Variants in PLA2G12A observed in about 807,000 individuals in gnomAD.
The protein encoded by PLA2G12A is group XIIA secretory phospholipase A2.
PLA2G12A carries 11 observed loss-of-function variants against 16.0 expected under a neutral mutation model. The observed-to-expected ratio is 0.69, with a 90% confidence interval of 0.43 to 1.13. The LOEUF is 1.13. Ranked by LOEUF, PLA2G12A falls within the 50% of genes most tolerant of loss-of-function variation. The probability of loss-of-function intolerance (pLI) is 0.00; values close to 1 mark genes in which losing one functional copy is unlikely to be tolerated. For missense variants in PLA2G12A, 214 were observed against 237.3 expected, an observed-to-expected ratio of 0.90 and a Z score of 0.65; for synonymous variants, 77 against 93.8, an observed-to-expected ratio of 0.82 and a Z score of 1.03.
intron 2 of PLA2G12A, among the ~76,000 whole-genome samples, chr4:109,718,410 T>C (rs1291793470): frequency 6.6e-6 from 1 of 152,220 alleles, no homozygotes; most frequent in Non-Finnish European, 1.5e-5. Context: ...TCCCTCTAAG[T>C]AGTAGCACTT....
At position 109,714,316 on chromosome 4, in the gene PLA2G12A, T is replaced by C. The variant is rs1307796844; in HGVS notation, c.*61A>G. The C allele has an allele frequency of 1.0e-6, 1 of 981,844 alleles. No individual in the cohort carries two copies. Among genetic ancestry groups the C allele is most frequent in the East Asian group, 2.4e-5 (1 of 40,828 alleles). 60.8% of individuals were successfully genotyped at this position (981,844 alleles called of 1,614,324 possible). ...AGACAGTTTTATGTTGTAAAAACAT[T>C]AGTTATTTGTCAAAGGTATGTTCTT... is the stretch of plus-strand genomic sequence containing the variant. On this transcript the variant is annotated 3_prime_UTR_variant, in exon 4 of 4. Transcript: ENST00000243501.
chr4:109,716,818 G>A (rs1403784491), intron 3 of PLA2G12A, among the ~76,000 whole-genome samples: 3 of 152,178 alleles, frequency 2.0e-5, no homozygotes, highest in African/African-American at 7.2e-5. Flanking sequence ...CATAAGACAA[G>A]TCTTCTAGAA....
At chr4:109,727,668 G>A (rs551990705) in intron 1 of PLA2G12A, among the ~76,000 whole-genome samples, 1 of 152,102 alleles carries the variant, frequency 6.6e-6, no homozygotes, top group South Asian at 2.1e-4. Flanking sequence ...GTGTAGTGGG[G>A]GCATGGCCTA....
chr4:109,714,711 G>T (rs1730795556), intron 3 of PLA2G12A, among the ~76,000 whole-genome samples: 1 of 149,388 alleles, frequency 6.7e-6, no homozygotes, highest in South Asian at 2.1e-4. Flanking sequence ...TTTTTTGTTT[G>T]CATTCAACTG....
At position 109,722,637 on chromosome 4, in the gene PLA2G12A, A is replaced by G. The variant is rs1234087786; in HGVS notation, c.209-3878T>C. Among the ~76,000 whole-genome samples the G allele has an allele frequency of 2.0e-5, 3 of 152,176 alleles. No individual in the cohort carries two copies. In the East Asian group the frequency reaches 5.8e-4, roughly 29 times the overall value. On this transcript the variant is annotated intron_variant, in intron 1 of 3. Transcript: ENST00000243501. ...CACAGCCTCCAGAACTGAGGAATAA[A>G]TTTCCATTGTTTATAAGCCACCCAG...
rs902176635 is a variant in PLA2G12A at position 109,713,157 on chromosome 4, G to C, written c.*1220C>G. On this transcript the variant is annotated 3_prime_UTR_variant, in exon 4 of 4. Transcript: ENST00000243501. ...AACTTTGGCCATGGGTCACCCAAAG[G>C]ATATATATGGCTTGAGGTCCCAGGC... 7.2e-5 allele frequency: 11 copies of C among 152,156 alleles called. No individual in the cohort carries two copies. Among genetic ancestry groups the C allele is most frequent in the African/African-American group, 2.7e-4 (11 of 41,436 alleles). 9.4% of individuals were successfully genotyped at this position (152,156 alleles called of 1,614,324 possible).
chr4:109,723,923 G>A (rs1249255577), intron 1 of PLA2G12A, among the ~76,000 whole-genome samples: 1 of 152,128 alleles, frequency 6.6e-6, no homozygotes, highest in African/African-American at 2.4e-5. Context: ...AACATATTGA[G>A]TGTGTCATTT....
In PLA2G12A at chr4:109,712,231, G is replaced by A. The variant is rs1210339923; in HGVS notation, c.*2146C>T. The A allele has an allele frequency of 6.6e-6, 1 of 152,134 alleles. No homozygotes were observed. The highest frequency in any genetic ancestry group is 2.4e-5 in the African/African-American group (1 of 41,446). 9.4% of individuals were successfully genotyped at this position (152,134 alleles called of 1,614,324 possible). A position where few individuals can be genotyped will look rare whatever the true frequency, so the allele number is the denominator to read the frequency against. ...ACAAATGCTTCATGGTTAAATAAAA[G>A]GTTAACACTGGGGGAACTGGGTGAG... is the stretch of plus-strand genomic sequence containing the variant. On this transcript the variant is annotated 3_prime_UTR_variant, in exon 4 of 4. Coordinates refer to ENST00000243501, the MANE Select transcript of PLA2G12A (RefSeq NM_030821.5).
rs373439439 is a variant in PLA2G12A at position 109,729,793 on chromosome 4, C to A, written c.17G>T (p.Arg6Leu). The change falls in exon 1 of 4, where the codon CGC becomes CTC. Residue 6 changes from arginine to leucine, a missense_variant. Coordinates refer to ENST00000243501, the MANE Select transcript of PLA2G12A (RefSeq NM_030821.5). ...GAGGAGCAGGAGGGTGAGCGCGGGG[C>A]GCGAGAGCAGGGCCATGCGCGCAGC... MALLS[R>L]PALTLLLLLM... 302 of 1,553,642 alleles carry A rather than the reference C, an allele frequency of 1.9e-4. No homozygotes were observed. The highest frequency in any genetic ancestry group is 2.5e-4 in the Non-Finnish European group (289 of 1,149,268).
At position 109,713,743 on chromosome 4, in the gene PLA2G12A, T is replaced by A. The variant is rs866664055; in HGVS notation, c.*634A>T. On this transcript the variant is annotated 3_prime_UTR_variant, in exon 4 of 4. Coordinates refer to ENST00000243501, the MANE Select transcript of PLA2G12A (RefSeq NM_030821.5). ...CCTGGGGTTGCTCCCTACGAGGTTA[T>A]CAGCTGATGGTTCCAATTTTACAAC... 7.9e-5 allele frequency: 12 copies of A among 152,504 alleles called. No homozygotes were observed. The highest frequency in any genetic ancestry group is 2.9e-4 in the African/African-American group (12 of 41,432). The allele number at this position is 152,504 out of a possible 1,614,324, so 9.4% of individuals were successfully genotyped here. A position where few individuals can be genotyped will look rare whatever the true frequency, so the allele number is the denominator to read the frequency against.
rs1194161356 is a variant in PLA2G12A at position 109,713,337 on chromosome 4, A to G, written c.*1040T>C. ...TCTAAACATATGGTAATAATTTTCAATGTAAATAAGAGATCTATAAAAGGC... is the reference window on the plus strand; with the variant it reads ...TCTAAACATATGGTAATAATTTTCAGTGTAAATAAGAGATCTATAAAAGGC... On this transcript the variant is annotated 3_prime_UTR_variant, in exon 4 of 4. Transcript: ENST00000243501. 1 of 152,226 alleles carries G rather than the reference A, an allele frequency of 6.6e-6. No individual in the cohort carries two copies. The highest frequency in any genetic ancestry group is 1.5e-5 in the Non-Finnish European group (1 of 68,028). 9.4% of individuals were successfully genotyped at this position (152,226 alleles called of 1,614,324 possible).
chr4:109,725,198 A>G (rs949185076), intron 1 of PLA2G12A, among the ~76,000 whole-genome samples: 2 of 152,252 alleles, frequency 1.3e-5, no homozygotes, highest in African/African-American at 4.8e-5. Context: ...TGATGAAATT[A>G]AAATAATTCT....
chr4:109,716,251 G>A (rs1427425426), intron 3 of PLA2G12A, among the ~76,000 whole-genome samples: 2 of 152,216 alleles, frequency 1.3e-5, no homozygotes, highest in African/African-American at 4.8e-5. Context: ...TAGAATCAGG[G>A]CTATAATATG....
Position 109,713,693 on chromosome 4 carries a change from G to A in PLA2G12A, c.*684C>T, listed in dbSNP as rs192849379. The A allele has an allele frequency of 1.3e-5, 2 of 152,222 alleles. No individual in the cohort carries two copies. The highest frequency in any genetic ancestry group is 3.9e-4 in the East Asian group (2 of 5,186). 9.4% of individuals were successfully genotyped at this position (152,222 alleles called of 1,614,324 possible). A position where few individuals can be genotyped will look rare whatever the true frequency, so the allele number is the denominator to read the frequency against. ...TGAATCGCATTCACATCACCTTCTAGGCATATTACATAACACTTAGCTATC... is the reference window on the plus strand; with the variant it reads ...TGAATCGCATTCACATCACCTTCTAAGCATATTACATAACACTTAGCTATC... On this transcript the variant is annotated 3_prime_UTR_variant, in exon 4 of 4. Transcript: ENST00000243501.
rs1382208355 is a variant in PLA2G12A at position 109,714,461 on chromosome 4, A to C, written c.486T>G (p.Ser162Arg). 6.2e-7 allele frequency: 1 copy of C among 1,614,054 alleles called. No individual in the cohort carries two copies. Among genetic ancestry groups the C allele is most frequent in the Non-Finnish European group, 8.5e-7 (1 of 1,179,904 alleles). Residue 162 changes from serine (S) to arginine (R), a missense_variant, in exon 4 of 4, where the codon AGT becomes AGG. Ser to Arg is a moderately radical substitution (Grantham distance 110). Transcript: ENST00000243501. ...ATGGTTTACAACCTAAATGTATAAC[A>C]CTGTCAAACAAGAGCTCCACTGTTG... ...CETTVELLFD[S>R]VIHLGCKPYL...
intron 1 of PLA2G12A, among the ~76,000 whole-genome samples, chr4:109,725,559 A>G (rs907637922): frequency 3.3e-5 from 5 of 152,228 alleles, no homozygotes. Flanking sequence ...TAAAATTTGT[A>G]AGCGGATACA....
Position 109,714,322 on chromosome 4 carries a change from T to C in PLA2G12A, c.*55A>G, listed in dbSNP as rs1416886218. The C allele has an allele frequency of 1.9e-6, 2 of 1,050,160 alleles. No individual in the cohort carries two copies. Among genetic ancestry groups the C allele is most frequent in the Admixed American group, 1.9e-5 (1 of 53,144 alleles). The allele number at this position is 1,050,160 out of a possible 1,614,324, so 65.1% of individuals were successfully genotyped here. A position where few individuals can be genotyped will look rare whatever the true frequency, so the allele number is the denominator to read the frequency against. On this transcript the variant is annotated 3_prime_UTR_variant, in exon 4 of 4. Transcript: ENST00000243501. ...TTTTATGTTGTAAAAACATTAGTTA[T>C]TTGTCAAAGGTATGTTCTTCCATCT... is the stretch of plus-strand genomic sequence containing the variant.
At chr4:109,727,959 A>T (rs912784777) in intron 1 of PLA2G12A, among the ~76,000 whole-genome samples, 6 of 152,246 alleles carry the variant, frequency 3.9e-5, no homozygotes, top group African/African-American at 7.2e-5. Context: ...CTATCTCTGT[A>T]AATGGCAACC....
rs372498036 is a variant in PLA2G12A, at chr4:109,710,378, C to T, written c.*3999G>A. 6.6e-6 allele frequency: 1 copy of T among 152,178 alleles called. No individual in the cohort carries two copies. The highest frequency in any genetic ancestry group is 6.5e-5 in the Admixed American group (1 of 15,280). 9.4% of individuals were successfully genotyped at this position (152,178 alleles called of 1,614,324 possible). A position where few individuals can be genotyped will look rare whatever the true frequency, so the allele number is the denominator to read the frequency against. On this transcript the variant is annotated 3_prime_UTR_variant, in exon 4 of 4. Transcript: ENST00000243501. ...GGATAAAATAATGAGCATTGTGCAT[C>T]GCACCTTCTGATAATCTCATACTTC...
Sources: gnomAD v4.1 joint callset for allele counts (sites outside exome capture counted in the v4.1 genomes callset) on GRCh38, gnomAD v4.1.1 for gene constraint, MANE v1.5 for transcripts, NCBI Gene and HGNC (gene_info 2026-07-23, HGNC 2026-07-21) for gene names.